The following GLIS3 variants were observed in gnomAD, a reference collection of about 807,000 sequenced individuals.
GLIS3 encodes GLIS family zinc finger 3.
In GLIS3, 53 loss-of-function variants were observed where a neutral mutation model predicts 78.6. The observed-to-expected ratio is 0.67, with a 90% CI of 0.54 to 0.85. The LOEUF is 0.85. Ranked by LOEUF, GLIS3 falls within the 40% of genes least tolerant of loss-of-function variation. The pLI is 0.00. For missense variants in GLIS3, 1,703 were observed against 1,231.1 expected, an observed-to-expected ratio of 1.38 and a Z score of -5.74; for synonymous variants, 684 against 509.9, an observed-to-expected ratio of 1.34 and a Z score of -4.60.
chr9:4,100,230 C>T (rs1225132535), intron 4 of GLIS3, among the ~76,000 whole-genome samples: 1 of 152,194 alleles, frequency 6.6e-6, no homozygotes, highest in Non-Finnish European at 1.5e-5. Context: ...AGTCATTTCC[C>T]TTCCACCATA....
intron 2 of GLIS3, among the ~76,000 whole-genome samples, chr9:4,257,586 T>TGTTGTTGTTGTTGTTG (rs1554639103): frequency 6.7e-6 from 1 of 150,356 alleles, no homozygotes; most frequent in Admixed American, 6.6e-5. Context: ...GTTGTTGTTA[T>TGTTGTTGTTGTTGTTG]TTTTTGAGAC....
rs906866642 is a variant in GLIS3, at chr9:4,229,086, G to T, written c.388+56952C>A. On this transcript the variant is annotated intron_variant, in intron 2 of 10. Transcript: ENST00000381971. ...ATTAGTTGTTAGGTGTAAAAAACAA[G>T]GTTCATAACAGTGCGTATGATATGC... Among the ~76,000 whole-genome samples the T allele has an allele frequency of 3.3e-5, 5 of 152,236 alleles. No homozygotes were observed. The East Asian group carries it at 9.7e-4, about 29-fold the overall frequency.
At chr9:3,841,762 G>C (rs1206200143) in intron 9 of GLIS3, among the ~76,000 whole-genome samples, 2 of 152,318 alleles carry the variant, frequency 1.3e-5, no homozygotes, top group South Asian at 4.2e-4. Context: ...CTACTGGGTG[G>C]CTGCAAGGAT....
the GLIS3 span, among the ~76,000 whole-genome samples, chr9:4,460,034 T>G: frequency 6.6e-6 from 1 of 151,878 alleles, no homozygotes; most frequent in African/African-American, 2.4e-5. Context: ...GGTGCTGAAT[T>G]GTCCATTCCA....
intron 2 of GLIS3, among the ~76,000 whole-genome samples, chr9:4,272,850 C>G (rs1826639843): frequency 2.0e-5 from 3 of 152,168 alleles, no homozygotes; most frequent in African/African-American, 7.2e-5. Context: ...TCTGGTTCAG[C>G]CAGGATAGTC....
intron 4 of GLIS3, among the ~76,000 whole-genome samples, chr9:3,974,362 T>C (rs1459821850): frequency 2.0e-5 from 3 of 152,122 alleles, no homozygotes; most frequent in Admixed American, 2.0e-4. Flanking sequence ...GAGTTAACAG[T>C]GGGGTTGTGT....
intron 2 of GLIS3, among the ~76,000 whole-genome samples, chr9:4,138,012 A>G (rs538470205): frequency 6.6e-6 from 1 of 152,344 alleles, no homozygotes; most frequent in East Asian, 1.9e-4. Flanking sequence ...TATTGCTCAC[A>G]GATCAGGTAT....
intron 6 of GLIS3, among the ~76,000 whole-genome samples, chr9:3,920,067 G>A (rs1169970608): frequency 1.3e-5 from 2 of 149,312 alleles, no homozygotes; most frequent in Admixed American, 6.7e-5. Context: ...GCAGTGGCAC[G>A]GTCTCGGCTC....
rs568610440 is a variant in GLIS3, at chr9:4,235,147, A to C, written c.388+50891T>G. 2.1e-3 allele frequency among the ~76,000 whole-genome samples: 321 copies of C among 152,180 alleles called. 1 individual carries two copies. The highest frequency in any genetic ancestry group is 3.7e-3 in the Non-Finnish European group (250 of 68,002). ...CTCTGTCTCTACTAAAAATTTAAAA[A>C]AAATCGCTGGGCGTGGTGGCACCTG... On this transcript the variant is annotated intron_variant, in intron 2 of 10. Transcript: ENST00000381971.
chr9:4,053,098 C>A (rs778034748), intron 4 of GLIS3, among the ~76,000 whole-genome samples: 1 of 152,136 alleles, frequency 6.6e-6, no homozygotes, highest in African/African-American at 2.4e-5. Flanking sequence ...CAGGCGCACA[C>A]CCCCACATCT....
At chr9:4,396,437 C>T in the GLIS3 span, among the ~76,000 whole-genome samples, 1 of 152,256 alleles carries the variant, frequency 6.6e-6, no homozygotes, top group South Asian at 2.1e-4. Flanking sequence ...CCCATTTTTA[C>T]TTTTCTAAGC....
At chr9:4,412,656 G>C in the GLIS3 span, among the ~76,000 whole-genome samples, 1 of 152,196 alleles carries the variant, frequency 6.6e-6, no homozygotes, top group Non-Finnish European at 1.5e-5. Flanking sequence ...AAGCACAAAT[G>C]TGGTAGAGAC....
At chr9:4,226,385 A>AAATATATG (rs1420913020) in intron 2 of GLIS3, among the ~76,000 whole-genome samples, 10 of 152,162 alleles carry the variant, frequency 6.6e-5, no homozygotes, top group Admixed American at 6.5e-4. Flanking sequence ...TCATTATAAT[A>AAATATATG]AATATATGTT....
chr9:4,043,575 C>A (rs1212812715), intron 4 of GLIS3, among the ~76,000 whole-genome samples: 1 of 152,050 alleles, frequency 6.6e-6, no homozygotes, highest in Non-Finnish European at 1.5e-5. Flanking sequence ...AGTTTTGTCT[C>A]AATGACTCAG....
At chr9:4,197,630 G>A (rs1031182675) in intron 2 of GLIS3, among the ~76,000 whole-genome samples, 2 of 152,186 alleles carry the variant, frequency 1.3e-5, no homozygotes, top group African/African-American at 2.4e-5. Flanking sequence ...GCCCAGTCCT[G>A]CCCTGCCCAT....
chr9:4,038,904 C>T (rs4487830), intron 4 of GLIS3, among the ~76,000 whole-genome samples: 22,043 of 152,076 alleles, frequency 0.14, 2,012 homozygotes, highest in East Asian at 0.44. Context: ...CACCTTTGCC[C>T]CCAGTGACCT....
chr9:3,939,131 G>A (rs1826062427), intron 4 of GLIS3, among the ~76,000 whole-genome samples: 1 of 152,102 alleles, frequency 6.6e-6, no homozygotes, highest in East Asian at 1.9e-4. Flanking sequence ...AGCTCCCGGG[G>A]CACATACCCA....
chr9:4,155,804 T>C (rs1835006190), intron 2 of GLIS3, among the ~76,000 whole-genome samples: 1 of 152,130 alleles, frequency 6.6e-6, no homozygotes, highest in Admixed American at 6.5e-5. Context: ...GGGTGTACGG[T>C]GGGACCTGAG....
chr9:4,340,665 A>G (rs1817821341), intron 2 of GLIS3, among the ~76,000 whole-genome samples: 1 of 152,112 alleles, frequency 6.6e-6, no homozygotes, highest in African/African-American at 2.4e-5. Flanking sequence ...CCGTTGTCGG[A>G]ACCAGATCCC....
Sources: gnomAD v4.1 joint callset for allele counts (sites outside exome capture counted in the v4.1 genomes callset) on GRCh38, gnomAD v4.1.1 for gene constraint, MANE v1.5 for transcripts, NCBI Gene and HGNC (gene_info 2026-07-23, HGNC 2026-07-21) for gene names.